The following FAM227B variants were observed in gnomAD, a reference collection of about 807,000 sequenced individuals.
FAM227B encodes family with sequence similarity 227 member B, also known as protein FAM227B.
Under a neutral mutation model 73.8 loss-of-function variants are expected in FAM227B, and 88 were observed. The observed-to-expected ratio is 1.19, with a 90% confidence interval of 1.00 to 1.42. The LOEUF is 1.42. Ranked by LOEUF, FAM227B falls within the 40% of genes most tolerant of loss-of-function variation. The pLI is 0.00. For synonymous variants in FAM227B, 210 were observed against 190.5 expected (o/e 1.10, Z -0.84); for missense variants, 632 against 590.9 (o/e 1.07, Z -0.72).
At chr15:49,356,078 C>T (rs1038697615) in intron 13 of FAM227B, among the ~76,000 whole-genome samples, 7 of 144,380 alleles carry the variant, frequency 4.8e-5, no homozygotes, top group African/African-American at 8.4e-5. Flanking sequence ...CTTACAAGAG[C>T]TCCTGAAGGA....
At chr15:49,416,339 T>C (rs1006093635) in intron 11 of FAM227B, among the ~76,000 whole-genome samples, 1 of 151,924 alleles carries the variant, frequency 6.6e-6, no homozygotes, top group Non-Finnish European at 1.5e-5. Flanking sequence ...ATTGGTTATA[T>C]GGCATGACCC....
At chr15:49,551,877 T>C (rs2073067203) in intron 9 of FAM227B, among the ~76,000 whole-genome samples, 1 of 152,222 alleles carries the variant, frequency 6.6e-6, no homozygotes, top group Admixed American at 6.5e-5. Flanking sequence ...ACTCAATGGT[T>C]TAAATTTGTC....
intron 3 of FAM227B, among the ~76,000 whole-genome samples, chr15:49,600,907 T>C (rs759514939): frequency 4.6e-5 from 7 of 150,870 alleles, no homozygotes; most frequent in Non-Finnish European, 8.9e-5. Context: ...CTGGGTGTGG[T>C]GGTGTGCGCC....
intron 5 of FAM227B, among the ~76,000 whole-genome samples, chr15:49,583,433 C>T (rs944216116): frequency 1.3e-5 from 2 of 152,140 alleles, no homozygotes; most frequent in Non-Finnish European, 2.9e-5. Flanking sequence ...CTCACTGCTA[C>T]ACTCCCACCA....
chr15:49,425,583 A>T (rs1164833681), intron 11 of FAM227B: 1 of 151,928 alleles, frequency 6.6e-6, no homozygotes, highest in Non-Finnish European at 1.5e-5. Flanking sequence ...GCATGGGGAG[A>T]CTGGTGTAAA....
intron 11 of FAM227B, among the ~76,000 whole-genome samples, chr15:49,462,547 C>G (rs7167041): frequency 0.32 from 49,297 of 151,986 alleles, 8,722 homozygotes; most frequent in African/African-American, 0.45. Context: ...TTGTATCTTT[C>G]ATTCATTGTG....
intron 5 of FAM227B, among the ~76,000 whole-genome samples, chr15:49,587,572 T>G (rs544178973): frequency 6.6e-5 from 10 of 152,218 alleles, no homozygotes; most frequent in Admixed American, 2.6e-4. Context: ...ATTATATAAT[T>G]TTAGAACATA....
intron 11 of FAM227B, among the ~76,000 whole-genome samples, chr15:49,442,364 T>C (rs1024696058): frequency 1.3e-5 from 2 of 151,646 alleles, no homozygotes; most frequent in African/African-American, 2.4e-5. Flanking sequence ...CCCTTGGCCA[T>C]TTCAGTCCAC....
intron 5 of FAM227B, among the ~76,000 whole-genome samples, chr15:49,585,334 A>C (rs191935148): frequency 0.019 from 2,940 of 152,312 alleles, 121 homozygotes; most frequent in African/African-American, 0.068. Context: ...CAGCCATCCC[A>C]TTACTGGGTA....
intron 8 of FAM227B, among the ~76,000 whole-genome samples, chr15:49,572,019 T>A (rs1040033988): frequency 1.3e-5 from 2 of 152,060 alleles, no homozygotes; most frequent in Non-Finnish European, 2.9e-5. Flanking sequence ...CATTTTCAAT[T>A]TCTTTCATCA....
At chr15:49,429,845 C>T (rs2050439628) in intron 11 of FAM227B, among the ~76,000 whole-genome samples, 2 of 151,846 alleles carry the variant, frequency 1.3e-5, no homozygotes, top group South Asian at 4.1e-4. Context: ...GTCAGAATCT[C>T]ACAAAGGTGG....
chr15:49,525,601 C>T (rs72729159), intron 10 of FAM227B, among the ~76,000 whole-genome samples: 8,842 of 133,772 alleles, frequency 0.066, 337 homozygotes, highest in East Asian at 0.12. Context: ...TCTACAGGAC[C>T]TGCCTATAAC....
chr15:49,447,105 T>C (rs2052292588), intron 11 of FAM227B, among the ~76,000 whole-genome samples: 1 of 151,640 alleles, frequency 6.6e-6, no homozygotes, highest in Admixed American at 6.6e-5. Context: ...AGGTCAAATA[T>C]GCAAGCCTGT....
At chr15:49,548,776 T>C (rs1399739662) in intron 9 of FAM227B, among the ~76,000 whole-genome samples, 1 of 152,170 alleles carries the variant, frequency 6.6e-6, no homozygotes, top group Non-Finnish European at 1.5e-5. Flanking sequence ...ATCTGTCAAT[T>C]TCCTCTAGAT....
intron 3 of FAM227B, among the ~76,000 whole-genome samples, chr15:49,594,245 A>G (rs1223500930): frequency 6.6e-6 from 1 of 151,998 alleles, no homozygotes; most frequent in Non-Finnish European, 1.5e-5. Context: ...TTGTCTATTC[A>G]TATCCTTAGC....
intron 11 of FAM227B, chr15:49,424,888 C>T (rs1232805370): frequency 5.5e-6 from 1 of 183,184 alleles, no homozygotes; most frequent in Non-Finnish European, 1.1e-5. Context: ...CAAAATGTGA[C>T]TTAATATTGT....
At chr15:49,612,058 T>C (rs1483834203) in intron 2 of FAM227B, among the ~76,000 whole-genome samples, 1 of 151,182 alleles carries the variant, frequency 6.6e-6, no homozygotes, top group East Asian at 2.0e-4. Flanking sequence ...TAATTTGGTA[T>C]GTTTATTTTG....
chr15:49,605,705 CCCTGGAGCCTGCCTCCCCTGGAAATGG>C (rs2077476199), intron 3 of FAM227B, among the ~76,000 whole-genome samples: 1 of 151,414 alleles, frequency 6.6e-6, no homozygotes. Context: ...AGTCTGACTG[CCCTGGAGCCTGCCTCCCCTGGAAATGG>C]CCTGGAGCCT....
At chr15:49,496,393 A>G (rs1047781869) in intron 11 of FAM227B, among the ~76,000 whole-genome samples, 1 of 152,224 alleles carries the variant, frequency 6.6e-6, no homozygotes, top group Non-Finnish European at 1.5e-5. Flanking sequence ...GTATAAAAAT[A>G]GTTTTTAAAA....
Sources: allele counts gnomAD v4.1 joint callset (sites outside exome capture counted in the v4.1 genomes callset), GRCh38; gene constraint gnomAD v4.1.1; transcripts MANE v1.5; gene names NCBI Gene and HGNC (gene_info 2026-07-23, HGNC 2026-07-21).